BEND7: variants seen among roughly 807,000 people sequenced by gnomAD.
The protein encoded by BEND7 is BEN domain-containing protein 7.
Under a neutral mutation model 50.9 loss-of-function variants are expected in BEND7, and 28 were observed. The ratio of observed to expected loss-of-function variants is 0.55; its 90% confidence interval spans 0.41 to 0.75. The LOEUF is 0.75. BEND7 is among the 30% of genes least tolerant of loss of function. The pLI, the probability that BEND7 is intolerant of heterozygous loss-of-function variation, is 0.00. For synonymous variants in BEND7, 170 were observed against 183.9 expected (o/e 0.92, Z 0.61); for missense variants, 477 against 491.3 (o/e 0.97, Z 0.28).
chr10:13,457,508 C>T (rs146862259), intron 6 of BEND7, among the ~76,000 whole-genome samples: 2 of 152,300 alleles, frequency 1.3e-5, no homozygotes, highest in Non-Finnish European at 2.9e-5. Flanking sequence ...TTGAAAAACA[C>T]CTATACAAAT....
intron 2 of BEND7, among the ~76,000 whole-genome samples, chr10:13,524,251 C>G (rs1033612692): frequency 6.6e-6 from 1 of 152,222 alleles, no homozygotes; most frequent in Non-Finnish European, 1.5e-5. Context: ...AAATCAAGGA[C>G]ATGATGTTCC....
intron 5 of BEND7, among the ~76,000 whole-genome samples, chr10:13,491,919 C>A (rs1254597648): frequency 6.6e-6 from 1 of 152,026 alleles, no homozygotes; most frequent in Non-Finnish European, 1.5e-5. Flanking sequence ...ACAACACAAA[C>A]ATACTTAGAG....
intron 2 of BEND7, among the ~76,000 whole-genome samples, chr10:13,514,364 A>C (rs954703267): frequency 2.6e-5 from 4 of 152,224 alleles, no homozygotes; most frequent in African/African-American, 9.6e-5. Context: ...GCATCCGTGC[A>C]GTTCTCCTTC....
chr10:13,529,015 G>T, upstream of BEND7: 1 of 145,868 alleles, frequency 6.9e-6, no homozygotes, highest in South Asian at 1.8e-4. Flanking sequence ...GGGCGGCGGC[G>T]GGTGCAGAGC....
intron 4 of BEND7, 27 bp from the exon 5 acceptor site, chr10:13,492,903 A>T: frequency 1.3e-6 from 2 of 1,587,740 alleles, no homozygotes; most frequent in Non-Finnish European, 1.7e-6. Flanking sequence ...AAAATATGGT[A>T]CAGGCACGTG....
Position 13,513,163 on chromosome 10 carries a change from C to T in BEND7, c.145+12975G>A, listed in dbSNP as rs184001201. On this transcript the variant is annotated intron_variant, in intron 2 of 8. Transcript: ENST00000466271. ...ATTGCTATTGTTACTGTTGTAGTGTCGGTGACAATCCACTAAATTGATATC... is the reference window on the plus strand; with the variant it reads ...ATTGCTATTGTTACTGTTGTAGTGTTGGTGACAATCCACTAAATTGATATC... Among the ~76,000 whole-genome samples the T allele has an allele frequency of 5.3e-5, 8 of 152,292 alleles. No homozygotes were observed. The East Asian group carries it at 5.8e-4, about 11-fold the overall frequency.
At chr10:13,452,409 C>A in intron 7 of BEND7, 130 bp downstream of exon 7, 1 of 1,009,462 alleles carries the variant, frequency 9.9e-7, no homozygotes, top group South Asian at 2.2e-5. Context: ...GAGAGCAAAT[C>A]AGCATATTAT....
At chr10:13,507,775 CTGTT>C (rs1453873480) in intron 2 of BEND7, among the ~76,000 whole-genome samples, 1 of 152,180 alleles carries the variant, frequency 6.6e-6, no homozygotes, top group African/African-American at 2.4e-5. Context: ...GAATGCATCT[CTGTT>C]TGTGGTGATG....
At chr10:13,440,728 T>C (rs1046019254), downstream of BEND7, among the ~76,000 whole-genome samples, 4 of 152,258 alleles carry the variant, frequency 2.6e-5, no homozygotes, top group African/African-American at 9.6e-5. Flanking sequence ...GATTGATTTG[T>C]CCGTCTGATG....
chr10:13,441,462 G>GCCGTATCATTAAAAAA lies in BEND7; in HGVS notation c.*280_*281insTTTTTTAATGATACGG. ...CGTTCATCGCACACATCTTTGGGTTGAACAAGCTCCACCCGTCCTCAAGTG... is the reference window on the plus strand; with the variant it reads ...CGTTCATCGCACACATCTTTGGGTTGCCGTATCATTAAAAAAAACAAGCTCCACCCGTCCTCAAGTG... On this transcript the variant is annotated 3_prime_UTR_variant, in exon 9 of 9. Coordinates refer to ENST00000466271, the MANE Select transcript of BEND7 (RefSeq NM_001369863.1). 8.4e-7 allele frequency: 1 copy of GCCGTATCATTAAAAAA among 1,191,834 alleles called. No individual in the cohort carries two copies. The highest frequency in any genetic ancestry group is 1.0e-6 in the Non-Finnish European group (1 of 968,818). The allele number at this position is 1,191,834 out of a possible 1,614,324, so 73.8% of individuals were successfully genotyped here.
intron 6 of BEND7, among the ~76,000 whole-genome samples, chr10:13,464,447 G>A (rs2074024551): frequency 6.6e-6 from 1 of 152,138 alleles, no homozygotes; most frequent in Non-Finnish European, 1.5e-5. Flanking sequence ...CTGTAAGCAG[G>A]ACACAAAACA....
chr10:13,450,578 G>A (rs965080786), intron 7 of BEND7, among the ~76,000 whole-genome samples: 1 of 152,152 alleles, frequency 6.6e-6, no homozygotes, highest in African/African-American at 2.4e-5. Context: ...GTCAGGGTTG[G>A]TTTTGTCTTA....
At chr10:13,458,906 T>A (rs953941656) in intron 6 of BEND7, among the ~76,000 whole-genome samples, 1 of 152,190 alleles carries the variant, frequency 6.6e-6, no homozygotes, top group African/African-American at 2.4e-5. Flanking sequence ...ACTCCCCATG[T>A]GCGAGGCAGT....
intron 6 of BEND7, among the ~76,000 whole-genome samples, chr10:13,473,913 T>C (rs1315721963): frequency 2.7e-5 from 4 of 149,824 alleles, no homozygotes; most frequent in African/African-American, 9.9e-5. Context: ...GGCCGATACC[T>C]GTGATCACTG....
At chr10:13,503,344 G>A (rs2077621235) in intron 2 of BEND7, among the ~76,000 whole-genome samples, 1 of 152,178 alleles carries the variant, frequency 6.6e-6, no homozygotes, top group Non-Finnish European at 1.5e-5. Context: ...GAGGGCAGAA[G>A]GCCAGAAGCA....
At chr10:13,495,488 C>A (rs1181743457) in intron 4 of BEND7, among the ~76,000 whole-genome samples, 3 of 152,072 alleles carry the variant, frequency 2.0e-5, no homozygotes, top group Non-Finnish European at 2.9e-5. Context: ...ATGGAGAAAC[C>A]CCATCTCTAC....
chr10:13,511,780 A>G (rs2078291059), intron 2 of BEND7, among the ~76,000 whole-genome samples: 1 of 152,148 alleles, frequency 6.6e-6, no homozygotes, highest in South Asian at 2.1e-4. Flanking sequence ...CACCAAGCTA[A>G]GAGGTTCGAG....
intron 6 of BEND7, among the ~76,000 whole-genome samples, chr10:13,462,704 G>T (rs1203171762): frequency 1.3e-5 from 2 of 152,184 alleles, no homozygotes; most frequent in African/African-American, 4.8e-5. Context: ...AACACTAATA[G>T]ATGTTTCAGA....
At chr10:13,494,469 C>T (rs1245020026) in intron 4 of BEND7, among the ~76,000 whole-genome samples, 2 of 152,168 alleles carry the variant, frequency 1.3e-5, no homozygotes, top group African/African-American at 4.8e-5. Context: ...CAGCCCCACC[C>T]CAGACGAAGT....
Sources: gnomAD v4.1 joint callset for allele counts (sites outside exome capture counted in the v4.1 genomes callset) on GRCh38, gnomAD v4.1.1 for gene constraint, MANE v1.5 for transcripts, NCBI Gene and HGNC (gene_info 2026-07-23, HGNC 2026-07-21) for gene names.